The following EVA1C variants were observed in gnomAD, a reference collection of about 807,000 sequenced individuals.
EVA1C encodes protein eva-1 homolog C.
Under a neutral mutation model 45.4 loss-of-function variants are expected in EVA1C, and 25 were observed. The ratio of observed to expected loss-of-function variants is 0.55; its 90% CI spans 0.40 to 0.77. The LOEUF (loss-of-function observed/expected upper bound fraction) is 0.77. Among genes scored for constraint, EVA1C ranks in the 30% least tolerant of loss-of-function variants. The pLI, the probability that EVA1C is intolerant of heterozygous loss-of-function variation, is 0.00. For synonymous variants in EVA1C, 190 were observed against 221.2 expected, an observed-to-expected ratio of 0.86 and a Z score of 1.25; for missense variants, 479 against 554.8, an observed-to-expected ratio of 0.86 and a Z score of 1.37.
intron 5 of EVA1C, chr21:32,497,251 A>C (rs1340811762): frequency 9.1e-6 from 7 of 771,320 alleles, no homozygotes; most frequent in Middle Eastern, 2.5e-4. Context: ...ATGTTTTAGA[A>C]GCTTGTGAAC....
At chr21:32,460,493 A>T (rs2035958132) in intron 3 of EVA1C, among the ~76,000 whole-genome samples, 2 of 152,196 alleles carry the variant, frequency 1.3e-5, no homozygotes, top group South Asian at 4.1e-4. Flanking sequence ...TGAGAGCAGG[A>T]ACTCTGTGTG....
At chr21:32,444,963 G>A (rs1406394425) in intron 1 of EVA1C, among the ~76,000 whole-genome samples, 1 of 151,196 alleles carries the variant, frequency 6.6e-6, no homozygotes, top group African/African-American at 2.4e-5. Flanking sequence ...TTGAAAATCA[G>A]TTATTTACAT....
chr21:32,448,129 T>A (rs2035433762), intron 1 of EVA1C, among the ~76,000 whole-genome samples: 1 of 152,170 alleles, frequency 6.6e-6, no homozygotes, highest in African/African-American at 2.4e-5. Context: ...TAATTGTCCT[T>A]CTTCCTGACC....
At chr21:32,415,764 C>T (rs1431272773) in intron 1 of EVA1C, among the ~76,000 whole-genome samples, 3 of 152,084 alleles carry the variant, frequency 2.0e-5, no homozygotes, top group Non-Finnish European at 4.4e-5. Flanking sequence ...TTTGAGATGT[C>T]GCCAGCGGCC....
intron 3 of EVA1C, among the ~76,000 whole-genome samples, chr21:32,466,695 G>C (rs1217709745): frequency 6.6e-6 from 1 of 152,122 alleles, no homozygotes; most frequent in Admixed American, 6.5e-5. Context: ...GTTGTTCCTG[G>C]ATTTACCAGA....
At chr21:32,422,211 G>A (rs2034308414) in intron 1 of EVA1C, among the ~76,000 whole-genome samples, 1 of 152,164 alleles carries the variant, frequency 6.6e-6, no homozygotes, top group African/African-American at 2.4e-5. Context: ...AGCCTGATGG[G>A]TAGGTTGAAG....
At chr21:32,419,505 A>T (rs2034178766) in intron 1 of EVA1C, among the ~76,000 whole-genome samples, 1 of 152,240 alleles carries the variant, frequency 6.6e-6, no homozygotes, top group African/African-American at 2.4e-5. Context: ...ATTTGAGGTC[A>T]GGAGTTTGAG....
chr21:32,468,293 C>T (rs373071288), intron 4 of EVA1C, among the ~76,000 whole-genome samples: 26 of 151,490 alleles, frequency 1.7e-4, no homozygotes, highest in African/African-American at 6.3e-4. Flanking sequence ...TGCTTGAACC[C>T]GGGAGGTGAA....
intron 1 of EVA1C, among the ~76,000 whole-genome samples, chr21:32,426,297 G>A (rs1015506294): frequency 1.3e-5 from 2 of 152,170 alleles, no homozygotes; most frequent in African/African-American, 4.8e-5. Flanking sequence ...CTCACTTGAC[G>A]TGCGAGGATG....
intron 4 of EVA1C, among the ~76,000 whole-genome samples, chr21:32,475,463 CTTTTTTTTTT>C (rs775162227): frequency 7.9e-6 from 1 of 127,216 alleles, no homozygotes; most frequent in Non-Finnish European, 1.7e-5. Flanking sequence ...AAAGTTCTTA[CTTTTTTTTTT>C]TTTTTTTTTG....
chr21:32,459,293 C>T (rs183129462), intron 3 of EVA1C, among the ~76,000 whole-genome samples: 2 of 152,268 alleles, frequency 1.3e-5, no homozygotes, highest in East Asian at 1.9e-4. Flanking sequence ...CATTCAGAAC[C>T]GCCTGAACTC....
intron 7 of EVA1C, among the ~76,000 whole-genome samples, chr21:32,507,490 G>T (rs1485564514): frequency 6.6e-6 from 1 of 151,688 alleles, no homozygotes; most frequent in Non-Finnish European, 1.5e-5. Flanking sequence ...GTATGCGTCT[G>T]TGTGCGTGTG....
chr21:32,438,971 C>T (rs2035071099), intron 1 of EVA1C, among the ~76,000 whole-genome samples: 1 of 151,918 alleles, frequency 6.6e-6, no homozygotes, highest in Non-Finnish European at 1.5e-5. Flanking sequence ...CTCGGTGGCT[C>T]ATGCCTGTAA....
intron 1 of EVA1C, among the ~76,000 whole-genome samples, chr21:32,439,321 C>G (rs2833827): frequency 0.3 from 45,991 of 150,866 alleles, 7,110 homozygotes; most frequent in Middle Eastern, 0.35. Context: ...GTCCACAGGA[C>G]AATTAAGAAA....
intron 1 of EVA1C, among the ~76,000 whole-genome samples, chr21:32,426,230 C>G (rs958178749): frequency 1.3e-5 from 2 of 152,146 alleles, no homozygotes; most frequent in African/African-American, 4.8e-5. Context: ...TCTTGGCCAT[C>G]ATTAACGTCA....
intron 1 of EVA1C, among the ~76,000 whole-genome samples, chr21:32,445,584 A>G (rs1007822739): frequency 3.3e-5 from 5 of 152,118 alleles, no homozygotes; most frequent in African/African-American, 9.7e-5. Flanking sequence ...TGGTCTTTCT[A>G]TAGTCACTGG....
chr21:32,444,071 CACACACACA>C (rs1185126946), intron 1 of EVA1C, among the ~76,000 whole-genome samples: 5 of 144,720 alleles, frequency 3.5e-5, no homozygotes, highest in Non-Finnish European at 6.3e-5. Flanking sequence ...CACACACACA[CACACACACA>C]CACACACACA....
At chr21:32,439,625 C>T (rs1402501881) in intron 1 of EVA1C, among the ~76,000 whole-genome samples, 5 of 152,142 alleles carry the variant, frequency 3.3e-5, no homozygotes, top group Non-Finnish European at 7.4e-5. Context: ...ATAGATACAG[C>T]TGGTCACCCG....
chr21:32,481,883 G>A (rs554750796), intron 4 of EVA1C, among the ~76,000 whole-genome samples: 1 of 152,186 alleles, frequency 6.6e-6, no homozygotes, highest in Admixed American at 6.5e-5. Flanking sequence ...TGAATATTTA[G>A]TTCATACCAC....
Sources: gnomAD v4.1 joint callset for allele counts (sites outside exome capture counted in the v4.1 genomes callset) on GRCh38, gnomAD v4.1.1 for gene constraint, MANE v1.5 for transcripts, NCBI Gene and HGNC (gene_info 2026-07-23, HGNC 2026-07-21) for gene names.